SMYD3: variants seen among roughly 807,000 people sequenced by gnomAD.
The protein encoded by SMYD3 is histone-lysine N-methyltransferase SMYD3.
Under a neutral mutation model 57.7 loss-of-function variants are expected in SMYD3, and 36 were observed. The observed-to-expected ratio is 0.62, with a 90% CI of 0.48 to 0.82. SMYD3 has a LOEUF of 0.82. Ranked by LOEUF, SMYD3 falls within the 40% of genes least tolerant of loss-of-function variation. The pLI, the probability that SMYD3 is intolerant of heterozygous loss-of-function variation, is 0.00. For missense variants in SMYD3, 515 were observed against 538.8 expected, an observed-to-expected ratio of 0.96 and a Z score of 0.44; for synonymous variants, 211 against 195.0, an observed-to-expected ratio of 1.08 and a Z score of -0.68.
At chr1:245,955,317 G>T (rs141543534) in intron 5 of SMYD3, among the ~76,000 whole-genome samples, 5 of 152,018 alleles carry the variant, frequency 3.3e-5, no homozygotes, top group Non-Finnish European at 7.4e-5. Flanking sequence ...GGATGGTCTC[G>T]ATCTCCTGCC....
At chr1:246,334,280 T>A (rs566633037) in intron 3 of SMYD3, among the ~76,000 whole-genome samples, 1 of 152,290 alleles carries the variant, frequency 6.6e-6, no homozygotes, top group South Asian at 2.1e-4. Flanking sequence ...CACAGTGCCA[T>A]TCACAACAGC....
intron 10 of SMYD3, among the ~76,000 whole-genome samples, chr1:245,837,595 T>C (rs974017201): frequency 6.6e-6 from 1 of 152,174 alleles, no homozygotes; most frequent in Non-Finnish European, 1.5e-5. Flanking sequence ...ACTGTGTTAG[T>C]ACCCAGGAGA....
At chr1:246,045,329 A>G (rs1402394001) in intron 5 of SMYD3, among the ~76,000 whole-genome samples, 1 of 152,168 alleles carries the variant, frequency 6.6e-6, no homozygotes, top group Non-Finnish European at 1.5e-5. Context: ...ATAATGCTGC[A>G]TATCTACAAC....
intron 1 of SMYD3, among the ~76,000 whole-genome samples, chr1:246,360,302 A>G (rs2065967898): frequency 1.3e-5 from 2 of 151,878 alleles, no homozygotes; most frequent in Non-Finnish European, 3.0e-5. Context: ...TACAAAACAC[A>G]GATGACACAA....
At chr1:246,164,637 G>A (rs1012359015) in intron 5 of SMYD3, among the ~76,000 whole-genome samples, 4 of 152,164 alleles carry the variant, frequency 2.6e-5, no homozygotes, top group African/African-American at 4.8e-5. Flanking sequence ...CTGGTGCCAG[G>A]ATCATTTTGG....
intron 5 of SMYD3, among the ~76,000 whole-genome samples, chr1:246,054,952 G>T (rs1281326257): frequency 1.3e-5 from 2 of 151,310 alleles, no homozygotes; most frequent in Non-Finnish European, 2.9e-5. Flanking sequence ...GAGGCGGGCG[G>T]ATCACGAGGT....
intron 10 of SMYD3, among the ~76,000 whole-genome samples, chr1:245,797,240 C>T (rs1436105872): frequency 6.6e-6 from 1 of 152,090 alleles, no homozygotes; most frequent in Non-Finnish European, 1.5e-5. Context: ...ATGTTTATTG[C>T]AGCAGTACTC....
chr1:246,499,397 AAT>A (rs143225480), intron 1 of SMYD3, among the ~76,000 whole-genome samples: 20,882 of 81,406 alleles, frequency 0.26, 1,651 homozygotes, highest in Non-Finnish European at 0.32. Flanking sequence ...CAAACCATCA[AAT>A]ATACACACAC....
chr1:245,994,758 T>C (rs952849596), intron 5 of SMYD3, among the ~76,000 whole-genome samples: 3 of 151,208 alleles, frequency 2.0e-5, no homozygotes, highest in African/African-American at 7.3e-5. Flanking sequence ...CAGTACTAGG[T>C]GGTATGAAGT....
intron 5 of SMYD3, among the ~76,000 whole-genome samples, chr1:246,167,512 C>CTT (rs199801290): frequency 6.5e-5 from 9 of 137,808 alleles, no homozygotes; most frequent in African/African-American, 8.0e-5. Context: ...GTTTTTTTTT[C>CTT]TTTTTTTTTT....
intron 1 of SMYD3, among the ~76,000 whole-genome samples, chr1:246,468,464 A>C (rs774543123): frequency 2.6e-5 from 4 of 151,860 alleles, no homozygotes; most frequent in Non-Finnish European, 5.9e-5. Flanking sequence ...AACATGGTGA[A>C]ACCCCATCTC....
chr1:246,477,949 G>A (rs181231543), intron 1 of SMYD3, among the ~76,000 whole-genome samples: 3 of 152,278 alleles, frequency 2.0e-5, no homozygotes, highest in East Asian at 3.9e-4. Context: ...AACTAGCTAG[G>A]AAATAAACAT....
At chr1:246,036,782 T>A (rs2059783830) in intron 5 of SMYD3, among the ~76,000 whole-genome samples, 1 of 148,634 alleles carries the variant, frequency 6.7e-6, no homozygotes, top group Non-Finnish European at 1.5e-5. Flanking sequence ...GCCAGGATGG[T>A]CTCAATCTCC....
In SMYD3 at chr1:246,355,089, T is replaced by A. The variant is rs371404366; in HGVS notation, c.170A>T (p.Glu57Val). 8.5e-5 allele frequency: 137 copies of A among 1,614,034 alleles called. No homozygotes were observed. The highest frequency in any genetic ancestry group is 1.2e-4 in the Admixed American group (7 of 59,992). ...GCACTGAGAGCATCGCATCAGCTTTTCCTTCCTGTGGGGAAAAAAATTAAT... is the reference window on the plus strand; with the variant it reads ...GCACTGAGAGCATCGCATCAGCTTTACCTTCCTGTGGGGAAAAAAATTAAT... ...VVCDRCLLGK[E>V]KLMRCSQCRV... The change falls in exon 2 of 12, where the codon GAA (glutamate) becomes GTA (valine). Residue 57 changes from glutamate to valine, a missense_variant. Coordinates refer to ENST00000490107, the MANE Select transcript of SMYD3 (RefSeq NM_001167740.2). The surrounding 1 kb of genome is among the most constrained non-coding windows in gnomAD (Gnocchi z 5.0).
At chr1:246,311,325 A>C (rs534656033) in intron 5 of SMYD3, among the ~76,000 whole-genome samples, 1 of 152,358 alleles carries the variant, frequency 6.6e-6, no homozygotes, top group African/African-American at 2.4e-5. Context: ...TACTGATACA[A>C]GGAAAATATT....
At chr1:245,940,585 CAAAAA>C (rs140883787) in intron 5 of SMYD3, among the ~76,000 whole-genome samples, 1 of 149,574 alleles carries the variant, frequency 6.7e-6, no homozygotes, top group Non-Finnish European at 1.5e-5. Flanking sequence ...CAAAACAAAA[CAAAAA>C]AAAACAGAAA....
At chr1:246,044,199 G>C (rs752291297) in intron 5 of SMYD3, among the ~76,000 whole-genome samples, 1 of 152,016 alleles carries the variant, frequency 6.6e-6, no homozygotes, top group Non-Finnish European at 1.5e-5. Flanking sequence ...AAATTAAGAG[G>C]AGTTTCTGTG....
At chr1:245,982,906 A>G (rs2058628477) in intron 5 of SMYD3, among the ~76,000 whole-genome samples, 1 of 152,232 alleles carries the variant, frequency 6.6e-6, no homozygotes, top group Admixed American at 6.5e-5. Flanking sequence ...AGCGGTTCAA[A>G]TTCAAAGGTT....
At chr1:245,825,869 G>A (rs1168456972) in intron 10 of SMYD3, among the ~76,000 whole-genome samples, 1 of 149,806 alleles carries the variant, frequency 6.7e-6, no homozygotes. Context: ...GTCACTGCCT[G>A]AGTAATGACG....
Sources: allele counts gnomAD v4.1 joint callset (sites outside exome capture counted in the v4.1 genomes callset), GRCh38; gene constraint gnomAD v4.1.1; non-coding constraint Gnocchi (gnomAD v3.1); transcripts MANE v1.5; gene names NCBI Gene and HGNC (gene_info 2026-07-23, HGNC 2026-07-21).